PCDHGA5: variants seen among roughly 807,000 people sequenced by gnomAD.
The protein encoded by PCDHGA5 is protocadherin gamma subfamily A, 5.
PCDHGA5 carries 36 observed loss-of-function variants against 56.7 expected under a neutral mutation model. That is an observed-to-expected ratio of 0.64 (90% CI 0.49 to 0.84). PCDHGA5 has a LOEUF of 0.84. Ranked by LOEUF, PCDHGA5 falls within the 40% of genes least tolerant of loss-of-function variation. PCDHGA5 has a pLI of 0.00. For missense variants in PCDHGA5, 1,305 were observed against 1,201.5 expected (o/e 1.09, Z -1.27); for synonymous variants, 563 against 520.2 (o/e 1.08, Z -1.12).
At chr5:141,459,300 A>G (rs954766370) in intron 1 of PCDHGA5, among the ~76,000 whole-genome samples, 2 of 152,202 alleles carry the variant, frequency 1.3e-5, no homozygotes, top group Non-Finnish European at 2.9e-5. Context: ...ATCCTATAAC[A>G]TATACTATTT....
intron 1 of PCDHGA5, chr5:141,408,156 T>C: frequency 6.6e-7 from 1 of 1,512,436 alleles, no homozygotes; most frequent in Non-Finnish European, 8.9e-7. Context: ...TAGAGTGCAC[T>C]TTCTCCAACT....
intron 1 of PCDHGA5, among the ~76,000 whole-genome samples, chr5:141,433,513 C>T (rs2097615953): frequency 6.6e-6 from 1 of 152,066 alleles, no homozygotes; most frequent in Non-Finnish European, 1.5e-5. Flanking sequence ...GGATTACAGG[C>T]GTGAACCACA....
At chr5:141,450,453 C>T (rs1202828231) in intron 1 of PCDHGA5, among the ~76,000 whole-genome samples, 3 of 152,058 alleles carry the variant, frequency 2.0e-5, no homozygotes, top group East Asian at 1.9e-4. Flanking sequence ...TATGTTTCCT[C>T]GTGATTTTAT....
chr5:141,370,484 C>T (rs750551260), intron 1 of PCDHGA5: 2 of 1,613,746 alleles, frequency 1.2e-6, no homozygotes, highest in African/African-American at 2.7e-5. Flanking sequence ...AGGCTCTCTC[C>T]GAACCGATCC....
At chr5:141,501,116 C>T (rs1325487254) in intron 2 of PCDHGA5, among the ~76,000 whole-genome samples, 1 of 152,154 alleles carries the variant, frequency 6.6e-6, no homozygotes, top group Non-Finnish European at 1.5e-5. Flanking sequence ...ATCCGCCTGC[C>T]TCAGCCTCCC....
At chr5:141,419,316 G>T in intron 1 of PCDHGA5, 2 of 1,613,994 alleles carry the variant, frequency 1.2e-6, no homozygotes, top group Non-Finnish European at 1.7e-6. Context: ...CTCAACGGCC[G>T]TGTCTCCTAC....
intron 2 of PCDHGA5, among the ~76,000 whole-genome samples, chr5:141,502,723 G>C (rs771399677): frequency 3.9e-5 from 6 of 152,124 alleles, no homozygotes; most frequent in Non-Finnish European, 8.8e-5. Flanking sequence ...TGATTACAAA[G>C]CGGTGATGTT....
chr5:141,399,162 C>T (rs1174255078), intron 1 of PCDHGA5: 1 of 1,613,664 alleles, frequency 6.2e-7, no homozygotes, highest in South Asian at 1.1e-5. Context: ...AAGTTACATT[C>T]CATTCTCTAC....
Position 141,511,908 on chromosome 5 carries a change from A to T in PCDHGA5, c.*735A>T, listed in dbSNP as rs528200582. The T allele has an allele frequency of 4.5e-5, 7 of 156,536 alleles. No homozygotes were observed. The highest frequency in any genetic ancestry group is 1.9e-4 in the East Asian group (1 of 5,250). The allele number at this position is 156,536 out of a possible 1,614,324, so 9.7% of individuals were successfully genotyped here. A position where few individuals can be genotyped will look rare whatever the true frequency, so the allele number is the denominator to read the frequency against. On this transcript the variant is annotated 3_prime_UTR_variant, in exon 4 of 4. Transcript: ENST00000518069. ...GACTTCCCCCACCTCCTCCTCAAAC[A>T]AGAGACTCCACTGCATGTTCCAAGA...
intron 1 of PCDHGA5, among the ~76,000 whole-genome samples, chr5:141,437,145 T>C (rs191316470): frequency 3.9e-5 from 6 of 152,364 alleles, no homozygotes; most frequent in Admixed American, 3.9e-4. Flanking sequence ...GGATTCATAA[T>C]TAACATATGT....
rs773703641 is a variant in PCDHGA5, at chr5:141,477,856, G to A, written c.2422-16951G>A. On this transcript the variant is annotated intron_variant, in intron 1 of 3. Transcript: ENST00000518069. The surrounding 1 kb of genome is among the most constrained non-coding windows in gnomAD (Gnocchi z 4.9). ...CAGGTGGGAGCTCGGTGGAGATGCT[G>A]CCTCGAGGTACCTCAGCTGGCCACC... is the stretch of plus-strand genomic sequence containing the variant. 6.2e-7 allele frequency: 1 copy of A among 1,613,592 alleles called. No homozygotes were observed. Among genetic ancestry groups the A allele is most frequent in the Admixed American group, 1.7e-5 (1 of 59,976 alleles).
rs775299266 is a variant in PCDHGA5, at chr5:141,432,192, AC to A, written c.2422-62611del. On this transcript the variant is annotated intron_variant, in intron 1 of 3. Transcript: ENST00000518069. The surrounding 1 kb of genome is among the most constrained non-coding windows in gnomAD (Gnocchi z 6.0). ...TCCCTCGTCTCTGTGACCGCCCACG[AC>A]CCCGACTGTGAAGAGAACGCCCAGA... 5 of 1,613,812 alleles carry A rather than the reference AC, an allele frequency of 3.1e-6. No individual in the cohort carries two copies. Among genetic ancestry groups the A allele is most frequent in the Non-Finnish European group, 4.2e-6 (5 of 1,179,996 alleles).
intron 1 of PCDHGA5, chr5:141,405,047 G>C: frequency 1.2e-6 from 2 of 1,613,944 alleles, no homozygotes; most frequent in Non-Finnish European, 1.7e-6. Flanking sequence ...GGCTGTGGCA[G>C]TCGTCTCCTG....
At chr5:141,412,406 G>T (rs1278637068) in intron 1 of PCDHGA5, 1 of 152,046 alleles carries the variant, frequency 6.6e-6, no homozygotes, top group African/African-American at 2.4e-5. Context: ...ATCCCTGTAA[G>T]ATAAAGTATG....
intron 1 of PCDHGA5, chr5:141,430,592 C>A (rs2097296542): frequency 1.8e-6 from 1 of 544,568 alleles, no homozygotes; most frequent in Non-Finnish European, 2.9e-6. Flanking sequence ...TCGCCTTGCA[C>A]GCGCCTGAAG....
intron 1 of PCDHGA5, among the ~76,000 whole-genome samples, chr5:141,420,737 A>G (rs1156969170): frequency 1.3e-5 from 2 of 152,244 alleles, no homozygotes; most frequent in Non-Finnish European, 2.9e-5. Flanking sequence ...GTTAAAATCA[A>G]TTGGAACCAA....
Position 141,491,711 on chromosome 5 carries a change from C to A in PCDHGA5, c.2422-3096C>A, listed in dbSNP as rs528931820. ...CGGGAGCGGAGCCAGGTGAGGGGCT[C>A]GGCGCCGCCCCGGGCGACCCCTGGG... On this transcript the variant is annotated intron_variant, in intron 1 of 3. Coordinates refer to ENST00000518069, the MANE Select transcript of PCDHGA5 (RefSeq NM_018918.3). The surrounding 1 kb of genome is among the most constrained non-coding windows in gnomAD (Gnocchi z 6.9). 1.3e-4 allele frequency: 217 copies of A among 1,609,356 alleles called. 3 individuals are homozygous for A. In the South Asian group the frequency reaches 2.2e-3, roughly 17 times the overall value.
intron 1 of PCDHGA5, chr5:141,409,042 C>A: frequency 5.0e-6 from 8 of 1,614,034 alleles, no homozygotes; most frequent in Middle Eastern, 1.6e-4. Context: ...TAAACTACTA[C>A]TTCCGAAGCA....
At chr5:141,415,002 C>T in intron 1 of PCDHGA5, 2 of 1,613,668 alleles carry the variant, frequency 1.2e-6, no homozygotes, top group East Asian at 2.2e-5. Flanking sequence ...CCTGGCTGTC[C>T]TACCGTCTGC....
Sources: allele counts gnomAD v4.1 joint callset (sites outside exome capture counted in the v4.1 genomes callset), GRCh38; gene constraint gnomAD v4.1.1; non-coding constraint Gnocchi (gnomAD v3.1); transcripts MANE v1.5; gene names NCBI Gene and HGNC (gene_info 2026-07-23, HGNC 2026-07-21).